The following CTNNA2 variants were observed in gnomAD, a reference collection of about 807,000 sequenced individuals.
CTNNA2 encodes the protein catenin alpha 2.
CTNNA2 carries 42 observed loss-of-function variants against 101.0 expected under a neutral mutation model. The observed-to-expected ratio is 0.42, with a 90% CI of 0.32 to 0.54. CTNNA2 has a LOEUF of 0.54. Ranked by LOEUF, CTNNA2 falls within the 20% of genes least tolerant of loss-of-function variation. CTNNA2 has a pLI of 0.14. For synonymous variants in CTNNA2, 450 were observed against 456.4 expected (o/e 0.99, Z 0.18); for missense variants, 871 against 1,223.1 (o/e 0.71, Z 4.29).
At chr2:79,269,945 TCCAGTACAGGATGG>T (rs1232514514) in intron 2 of CTNNA2, among the ~76,000 whole-genome samples, 1 of 152,136 alleles carries the variant, frequency 6.6e-6, no homozygotes, top group East Asian at 1.9e-4. Context: ...GGGTTTAGAA[TCCAGTACAGGATGG>T]CCACTGGTGG....
intron 11 of CTNNA2, among the ~76,000 whole-genome samples, 154 bp downstream of exon 11, chr2:80,546,217 C>T (rs528697515): frequency 1.3e-5 from 2 of 152,306 alleles, no homozygotes; most frequent in East Asian, 1.9e-4. Context: ...GATTATAACA[C>T]CCTCTTAGAT....
chr2:80,323,638 G>A (rs982092694), intron 7 of CTNNA2, among the ~76,000 whole-genome samples: 1 of 151,684 alleles, frequency 6.6e-6, no homozygotes, highest in Admixed American at 6.6e-5. Flanking sequence ...TCTTAATCAC[G>A]TTCTTTGTGT....
intron 1 of CTNNA2, among the ~76,000 whole-genome samples, chr2:79,638,607 CA>C (rs1420745288): frequency 1.3e-5 from 2 of 152,190 alleles, no homozygotes; most frequent in Non-Finnish European, 2.9e-5. Context: ...GGATGCAAAG[CA>C]GTACCTGTTT....
Position 79,966,704 on chromosome 2 carries a change from C to G in CTNNA2, c.1056+56907C>G, listed in dbSNP as rs919578779. Among the ~76,000 whole-genome samples the G allele has an allele frequency of 1.1e-4, 16 of 152,330 alleles. No homozygotes were observed. In the South Asian group the frequency reaches 3.1e-3, roughly 30 times the overall value. ...TCCTCGCCACTCCATGGAAATTGCT[C>G]TTTTCAAAGCATCAGTGACTTCTGT... On this transcript the variant is annotated intron_variant, in intron 7 of 18. Coordinates refer to ENST00000402739, the MANE Select transcript of CTNNA2 (RefSeq NM_001282597.3).
intron 1 of CTNNA2, among the ~76,000 whole-genome samples, chr2:79,518,174 A>G (rs1022795550): frequency 1.3e-5 from 2 of 152,178 alleles, no homozygotes. Flanking sequence ...AGTAATATAA[A>G]TCATATGTTG....
chr2:79,207,118 T>C (rs184947201), intron 2 of CTNNA2, among the ~76,000 whole-genome samples: 1 of 152,262 alleles, frequency 6.6e-6, no homozygotes, highest in African/African-American at 2.4e-5. Context: ...AATACCTCTC[T>C]AAAGTATCAA....
chr2:80,014,008 T>A (rs1477894539), intron 7 of CTNNA2, among the ~76,000 whole-genome samples: 1 of 152,118 alleles, frequency 6.6e-6, no homozygotes, highest in Non-Finnish European at 1.5e-5. Flanking sequence ...TGCTTAAAAC[T>A]CAGTTAGGAT....
At chr2:79,717,381 A>G (rs942551502) in intron 2 of CTNNA2, among the ~76,000 whole-genome samples, 1 of 152,140 alleles carries the variant, frequency 6.6e-6, no homozygotes, top group African/African-American at 2.4e-5. Context: ...GAAATAGCGA[A>G]AGGCATGACT....
chr2:80,164,652 C>CCCTTTCCTTTCCTTTCTTA lies in CTNNA2; in HGVS notation c.1057-228540_1057-228522dup, dbSNP rs542050143. On this transcript the variant is annotated intron_variant, in intron 7 of 18. Transcript: ENST00000402739. ...ATTCTAGCCTTCCCCCAACCCCTCC[C>CCCTTTCCTTTCCTTTCTTA]CCTTTCCTTTCCTTTCTTACCTTTC... 1.2e-3 allele frequency among the ~76,000 whole-genome samples: 179 copies of CCCTTTCCTTTCCTTTCTTA among 151,798 alleles called. 6 individuals carry two copies. The South Asian group carries it at 0.029, about 24-fold the overall frequency.
chr2:80,544,530 G>T lies in CTNNA2; in HGVS notation c.1291-452G>T, dbSNP rs879601165. 5.5e-4 allele frequency among the ~76,000 whole-genome samples: 84 copies of T among 152,090 alleles called. 2 individuals are homozygous for T. Among genetic ancestry groups the T allele is most frequent in the Non-Finnish European group, 1.8e-4 (12 of 67,988 alleles). The stretch of plus-strand genomic sequence containing the variant: ...AATTTTCAGGCAGATCGGGTATTTT[G>T]GGGGCAGGGCACCATAATTGTCAGC... On this transcript the variant is annotated intron_variant, in intron 9 of 18. Coordinates refer to ENST00000402739, the MANE Select transcript of CTNNA2 (RefSeq NM_001282597.3).
chr2:80,634,323 G>A (rs1345912074), intron 18 of CTNNA2, among the ~76,000 whole-genome samples: 1 of 152,112 alleles, frequency 6.6e-6, no homozygotes, highest in Non-Finnish European at 1.5e-5. Context: ...GCTGATATTT[G>A]GATAAAGTTC....
intron 6 of CTNNA2, among the ~76,000 whole-genome samples, chr2:79,906,316 A>G (rs1685421605): frequency 6.7e-6 from 1 of 149,128 alleles, no homozygotes; most frequent in African/African-American, 2.6e-5. Context: ...ACACACAGAC[A>G]CACACCCACA....
At chr2:79,869,990 T>G in intron 5 of CTNNA2, 55 bp downstream of exon 5, 10 of 1,593,272 alleles carry the variant, frequency 6.3e-6, no homozygotes, top group Non-Finnish European at 7.7e-6. Flanking sequence ...TAAATAACCC[T>G]GTAGCTTTTT....
intron 7 of CTNNA2, among the ~76,000 whole-genome samples, chr2:80,127,599 T>C (rs914005182): frequency 1.3e-5 from 2 of 152,172 alleles, no homozygotes; most frequent in African/African-American, 4.8e-5. Flanking sequence ...TTTGACTCCA[T>C]ACCCTAGCCC....
chr2:80,529,575 A>C (rs1183682786), intron 9 of CTNNA2, among the ~76,000 whole-genome samples: 4 of 152,120 alleles, frequency 2.6e-5, no homozygotes, highest in Non-Finnish European at 5.9e-5. Context: ...CACCTGAAAA[A>C]TATTATTGGT....
chr2:79,261,504 T>C (rs969170028), intron 2 of CTNNA2, among the ~76,000 whole-genome samples: 3 of 152,246 alleles, frequency 2.0e-5, no homozygotes, highest in African/African-American at 7.2e-5. Context: ...TTCATAGTTC[T>C]GGAGGCTAGA....
chr2:80,504,994 C>T lies in CTNNA2; in HGVS notation c.1291-39988C>T, dbSNP rs76236479. On this transcript the variant is annotated intron_variant, in intron 9 of 18. Coordinates refer to ENST00000402739, the MANE Select transcript of CTNNA2 (RefSeq NM_001282597.3). ...GGCGCTCCTAGATGTCCCACACATA[C>T]ACCCAGCAGAGCACTGGGTCCTTTC... Among the ~76,000 whole-genome samples the T allele has an allele frequency of 4.9e-4, 74 of 152,304 alleles. No homozygotes were observed. The East Asian group carries it at 0.01, about 21-fold the overall frequency.
chr2:80,321,260 T>C (rs1678651267), intron 7 of CTNNA2, among the ~76,000 whole-genome samples: 1 of 151,944 alleles, frequency 6.6e-6, no homozygotes, highest in South Asian at 2.1e-4. Flanking sequence ...AAAAAGGAAA[T>C]TGGAGAGGCT....
chr2:79,458,999 A>C (rs527504813), intron 4 of CTNNA2, among the ~76,000 whole-genome samples: 1 of 152,290 alleles, frequency 6.6e-6, no homozygotes, highest in African/African-American at 2.4e-5. Context: ...AAAGAAATGG[A>C]TAAAACGATT....
Sources: gnomAD v4.1 joint callset for allele counts (sites outside exome capture counted in the v4.1 genomes callset) on GRCh38, gnomAD v4.1.1 for gene constraint, MANE v1.5 for transcripts, NCBI Gene and HGNC (gene_info 2026-07-23, HGNC 2026-07-21) for gene names.